The following RERG variants were observed in gnomAD, a reference collection of about 807,000 sequenced individuals.
The protein encoded by RERG is ras-related and estrogen-regulated growth inhibitor.
A neutral mutation model predicts 23.2 loss-of-function variants in RERG; 25 were observed. That is an observed-to-expected ratio of 1.08 (90% confidence interval 0.79 to 1.50). The LOEUF is 1.50. Among genes scored for constraint, RERG ranks in the 40% most tolerant of loss-of-function variants. The pLI is 0.00. For missense variants in RERG, 253 were observed against 250.1 expected, an observed-to-expected ratio of 1.01 and a Z score of -0.08; for synonymous variants, 81 against 89.1, an observed-to-expected ratio of 0.91 and a Z score of 0.51.
intron 3 of RERG, among the ~76,000 whole-genome samples, chr12:15,119,808 T>C (rs1028499990): frequency 1.3e-5 from 2 of 152,208 alleles, no homozygotes; most frequent in African/African-American, 4.8e-5. Context: ...TTTATAGTTC[T>C]AGTACAATTC....
rs1405575921 is a variant in RERG at position 15,217,442 on chromosome 12, G to A, written c.48C>T (p.Gly16=). The A allele has an allele frequency of 5.0e-6, 8 of 1,612,246 alleles. No individual in the cohort carries two copies. Among genetic ancestry groups the A allele is most frequent in the South Asian group, 3.3e-5 (3 of 91,024 alleles). Residue 16 remains glycine (G), a synonymous_variant, in exon 2 of 5, where the codon GGC becomes GGT. Coordinates refer to ENST00000256953, the MANE Select transcript of RERG (RefSeq NM_032918.3). Reference sequence around the variant, plus strand: ...CGAAAATCTTACCTGACTTGCCCACGCCTGCTCTCCCAAATATTGCCAGTT... The same window carrying A: ...CGAAAATCTTACCTGACTTGCCCACACCTGCTCTCCCAAATATTGCCAGTT... ...EVKLAIFGRA[G]VGKSALVVRF... is the part of the protein sequence containing the mutation.
In RERG at chr12:15,138,728, T is replaced by C. The variant is rs547025651; in HGVS notation, c.62-17609A>G. 2.6e-5 allele frequency among the ~76,000 whole-genome samples: 4 copies of C among 152,164 alleles called. No homozygotes were observed. In the South Asian group the frequency reaches 6.2e-4, roughly 24 times the overall value. ...AAGTCCTTTTGCACATATGTGTTAT[T>C]TGCTTTGTGAATAACTTTCTAACTC... is the stretch of plus-strand genomic sequence containing the variant. On this transcript the variant is annotated intron_variant, in intron 2 of 4. Coordinates refer to ENST00000256953, the MANE Select transcript of RERG (RefSeq NM_032918.3).
At chr12:15,206,189 A>G (rs959322545) in intron 2 of RERG, among the ~76,000 whole-genome samples, 1 of 152,092 alleles carries the variant, frequency 6.6e-6, no homozygotes, top group Non-Finnish European at 1.5e-5. Context: ...TGAGGCTTAC[A>G]TTTTATTTTT....
chr12:15,200,788 G>C (rs1282875745), intron 2 of RERG, among the ~76,000 whole-genome samples: 1 of 151,926 alleles, frequency 6.6e-6, no homozygotes, highest in Non-Finnish European at 1.5e-5. Context: ...TGACATGTTA[G>C]GACTTTTGTG....
chr12:15,124,917 G>A (rs1430844152), intron 2 of RERG, among the ~76,000 whole-genome samples: 2 of 79,938 alleles, frequency 2.5e-5, no homozygotes, highest in African/African-American at 9.8e-5. Flanking sequence ...CATCATGAAT[G>A]CCTTTTGAAT....
At chr12:15,175,388 T>C (rs981918272) in intron 2 of RERG, among the ~76,000 whole-genome samples, 1 of 124,444 alleles carries the variant, frequency 8.0e-6, no homozygotes, top group Non-Finnish European at 1.7e-5. Context: ...TGTGTGTGTG[T>C]TGGGGCATGC....
chr12:15,201,939 C>G (rs147567984), intron 2 of RERG, among the ~76,000 whole-genome samples: 60 of 151,726 alleles, frequency 4.0e-4, no homozygotes, highest in African/African-American at 1.2e-3. Flanking sequence ...GTCCTGCCAA[C>G]GAAGGGAAAG....
intron 2 of RERG, among the ~76,000 whole-genome samples, chr12:15,161,187 AAAGAAAGAAAGAAAG>A (rs1864604933): frequency 6.7e-6 from 1 of 149,434 alleles, no homozygotes; most frequent in Admixed American, 6.7e-5. Flanking sequence ...AGAAAGAAAG[AAAGAAAGAAAGAAAG>A]AAAGAAAGAA....
rs1864432506 is a variant in RERG, at chr12:15,151,018, C to T, written c.62-29899G>A. 2.0e-5 allele frequency among the ~76,000 whole-genome samples: 3 copies of T among 152,124 alleles called. 1 individual carries two copies. The South Asian group carries it at 6.2e-4, about 32-fold the overall frequency. On this transcript the variant is annotated intron_variant, in intron 2 of 4. Coordinates refer to ENST00000256953, the MANE Select transcript of RERG (RefSeq NM_032918.3). ...TATTGTACTTTATAAATACAGAAAACAGCTTGTGGAAACTTAATGCCATGC... is the reference window on the plus strand; with the variant it reads ...TATTGTACTTTATAAATACAGAAAATAGCTTGTGGAAACTTAATGCCATGC...
intron 2 of RERG, among the ~76,000 whole-genome samples, chr12:15,203,732 T>C (rs1865248004): frequency 6.6e-6 from 1 of 150,892 alleles, no homozygotes. Context: ...AGAATACTAT[T>C]TACAAAATCA....
chr12:15,121,922 G>T (rs1397806169), intron 2 of RERG, among the ~76,000 whole-genome samples: 2 of 152,120 alleles, frequency 1.3e-5, no homozygotes, highest in African/African-American at 4.8e-5. Context: ...AGATGGGCTG[G>T]AGAAAAGCAT....
At chr12:15,111,313 GA>G in intron 4 of RERG, 30 bp downstream of exon 4, 1 of 1,543,462 alleles carries the variant, frequency 6.5e-7, no homozygotes, top group Admixed American at 1.8e-5. Flanking sequence ...ATTTGATCCA[GA>G]AAAATATTTT....
At chr12:15,131,585 G>A (rs1162116627) in intron 2 of RERG, among the ~76,000 whole-genome samples, 3 of 152,010 alleles carry the variant, frequency 2.0e-5, no homozygotes, top group Non-Finnish European at 2.9e-5. Context: ...ATTGACAACC[G>A]AAAACATTTG....
At chr12:15,218,622 C>T (rs917411009) in intron 1 of RERG, among the ~76,000 whole-genome samples, 3 of 152,006 alleles carry the variant, frequency 2.0e-5, no homozygotes, top group Non-Finnish European at 4.4e-5. Context: ...TGTCTCCCTG[C>T]GGCTTCTACT....
chr12:15,121,893 TG>T (rs1863838566), intron 2 of RERG, among the ~76,000 whole-genome samples: 1 of 152,212 alleles, frequency 6.6e-6, no homozygotes, highest in Non-Finnish European at 1.5e-5. Flanking sequence ...CTAGGCCATC[TG>T]GATAATATTT....
Position 15,171,102 on chromosome 12 carries a change from G to A in RERG, c.61+46327C>T, listed in dbSNP as rs146169130. On this transcript the variant is annotated intron_variant, in intron 2 of 4. Transcript: ENST00000256953. ...TGGCTTAGAAGGATCACTGCAATGC[G>A]ATGCCACTGTCTTCCTTCAGGATGC... is the stretch of plus-strand genomic sequence containing the variant. Among the ~76,000 whole-genome samples, 259 of 152,314 alleles carry A rather than the reference G, an allele frequency of 1.7e-3. 10 individuals are homozygous for A. Among genetic ancestry groups the A allele is most frequent in the African/African-American group, 6.0e-3 (248 of 41,566 alleles).
At chr12:15,178,053 G>C (rs1349390554) in intron 2 of RERG, among the ~76,000 whole-genome samples, 1 of 151,928 alleles carries the variant, frequency 6.6e-6, no homozygotes, top group Non-Finnish European at 1.5e-5. Context: ...CCCTTCCCTG[G>C]ATGACTGATG....
intron 2 of RERG, among the ~76,000 whole-genome samples, chr12:15,183,080 G>GAAAAAC (rs951142979): frequency 1.3e-5 from 2 of 151,804 alleles, no homozygotes; most frequent in Non-Finnish European, 2.9e-5. Context: ...GACCCTGGCC[G>GAAAAAC]AAAAACAAAA....
At chr12:15,209,083 C>G (rs1370661353) in intron 2 of RERG, among the ~76,000 whole-genome samples, 1 of 152,196 alleles carries the variant, frequency 6.6e-6, no homozygotes, top group African/African-American at 2.4e-5. Context: ...GGAACACAAA[C>G]AGCCAACTGC....
Sources: allele counts gnomAD v4.1 joint callset (sites outside exome capture counted in the v4.1 genomes callset), GRCh38; gene constraint gnomAD v4.1.1; transcripts MANE v1.5; gene names NCBI Gene and HGNC (gene_info 2026-07-23, HGNC 2026-07-21).